The following RIF1 variants were observed in gnomAD, a reference collection of about 807,000 sequenced individuals.
RIF1 encodes the protein telomere-associated protein RIF1.
A neutral mutation model predicts 247.1 loss-of-function variants in RIF1; 45 were observed. The ratio of observed to expected loss-of-function variants is 0.18; its 90% CI spans 0.14 to 0.23. The LOEUF is 0.23. RIF1 is among the 10% of genes least tolerant of loss of function. The pLI, the probability that RIF1 is intolerant of heterozygous loss-of-function variation, is 1.00. For synonymous variants in RIF1, 1,087 were observed against 978.8 expected, an observed-to-expected ratio of 1.11 and a Z score of -2.06; for missense variants, 2,967 against 2,862.5, an observed-to-expected ratio of 1.04 and a Z score of -0.83.
the RIF1 span, among the ~76,000 whole-genome samples, chr2:151,518,165 AC>A: frequency 1.3e-5 from 2 of 152,242 alleles, no homozygotes; most frequent in Non-Finnish European, 2.9e-5. Flanking sequence ...GTAATTTATA[AC>A]ATAAGAATTT....
intron 9 of RIF1, chr2:151,489,854 C>A: frequency 4.8e-6 from 3 of 619,302 alleles, no homozygotes; most frequent in South Asian, 5.5e-5. Context: ...AATAAAAGAG[C>A]ATTATATAAA....
rs765170502 is a variant in RIF1 at position 151,458,822 on chromosome 2, C to T, written c.2867C>T (p.Thr956Ile). The T allele has an allele frequency of 6.8e-6, 11 of 1,610,336 alleles. No individual in the cohort carries two copies. The South Asian group carries it at 1.2e-4, about 18-fold the overall frequency. The change falls in exon 25 of 36, where the codon ACA (threonine) becomes ATA (isoleucine). Residue 956 changes from threonine to isoleucine, a missense_variant. Thr to Ile is a moderately conservative substitution (Grantham distance 89). This residue lies in a region of RIF1 where 2,028 missense variants were observed against 1,825.6 expected (regional missense o/e 1.11). Transcript: ENST00000444746. ...VYPEELKPVL[T>I]QAKQKFLLLL... ...GTACTTTTTTAAAGACCAGTACTAACACAAGCCAAACAAAAATTTCTGCTC... is the reference window on the plus strand; with the variant it reads ...GTACTTTTTTAAAGACCAGTACTAATACAAGCCAAACAAAAATTTCTGCTC...
downstream of RIF1, chr2:151,486,146 G>T (rs534886159): frequency 1.9e-6 from 1 of 521,886 alleles, no homozygotes; most frequent in Non-Finnish European, 3.4e-6. Context: ...AACATATGAC[G>T]AACTCCTACA....
At chr2:151,433,357 A>AC (rs1478481730) in intron 10 of RIF1, 129 bp downstream of exon 10, 6 of 553,906 alleles carry the variant, frequency 1.1e-5, no homozygotes, top group African/African-American at 1.9e-5. Flanking sequence ...AAGGTCTTTC[A>AC]CTTTACTGGC....
chr2:151,484,692 G>A (rs1301568365), downstream of RIF1, among the ~76,000 whole-genome samples: 1 of 152,212 alleles, frequency 6.6e-6, no homozygotes, highest in Non-Finnish European at 1.5e-5. Flanking sequence ...TTGCCTACTT[G>A]CATTTTTATC....
intron 2 of RIF1, among the ~76,000 whole-genome samples, chr2:151,410,926 T>A (rs1310663365): frequency 6.6e-6 from 1 of 152,158 alleles, no homozygotes; most frequent in Non-Finnish European, 1.5e-5. Context: ...AAAGTAATTT[T>A]CATAGAAATG....
chr2:151,420,579 T>C (rs1687992819), intron 7 of RIF1, among the ~76,000 whole-genome samples, 200 bp downstream of exon 7: 1 of 151,760 alleles, frequency 6.6e-6, no homozygotes, highest in African/African-American at 2.4e-5. Context: ...CTACAAAATA[T>C]CTTAAAAATT....
At chr2:151,483,436 A>G (rs2049250590), downstream of RIF1, 1 of 152,202 alleles carries the variant, frequency 6.6e-6, no homozygotes. Context: ...GGAAGTTACA[A>G]GGTAATGAGA....
In RIF1 at chr2:151,474,975, A is replaced by G. The variant is rs752944050; in HGVS notation, c.7323A>G (p.Leu2441=). 4.3e-6 allele frequency: 7 copies of G among 1,613,490 alleles called. No individual in the cohort carries two copies. The East Asian group carries it at 1.1e-4, about 26-fold the overall frequency. The change falls in exon 36 of 36, where the codon CTA becomes CTG. Residue 2441 remains leucine (L), a synonymous_variant. Transcript: ENST00000444746. The part of the protein sequence containing the change: ...EDLHNYSGSQ[L]FEMHEKLSCM... ...TTCATAATTATTCAGGAAGCCAACT[A>G]TTTGAAATGCACGAGAAACTAAGTT... is the stretch of plus-strand genomic sequence containing the variant.
exon 11 of RIF1, chr2:151,499,490 C>T (rs2153025758): frequency 1.5e-6 from 1 of 668,508 alleles, no homozygotes; most frequent in Non-Finnish European, 2.7e-6. Context: ...AGACGTCAGA[C>T]AGAAAAGACA....
chr2:151,469,871 A>G lies in RIF1; in HGVS notation c.7095+7A>G. ...AATATATCATGAGCAGCAGGTAAAA[A>G]CTTAGATATTAGCTATGATGTATAT... On this transcript the variant is annotated splice_region_variant and intron_variant, in intron 34 of 35. Coordinates refer to ENST00000444746, the MANE Select transcript of RIF1 (RefSeq NM_018151.5). 1 of 1,586,206 alleles carries G rather than the reference A, an allele frequency of 6.3e-7. No homozygotes were observed. Among genetic ancestry groups the G allele is most frequent in the East Asian group, 2.2e-5 (1 of 44,550 alleles).
the RIF1 span, chr2:151,518,988 T>C: frequency 6.2e-7 from 1 of 1,613,344 alleles, no homozygotes; most frequent in Non-Finnish European, 8.5e-7. Flanking sequence ...TGGCTTGTAT[T>C]CAGGACATGA....
intron 9 of RIF1, among the ~76,000 whole-genome samples, chr2:151,432,225 G>T (rs1690290304): frequency 6.6e-6 from 1 of 152,110 alleles, no homozygotes; most frequent in Non-Finnish European, 1.5e-5. Flanking sequence ...GGTCAGGCTG[G>T]TTTCAAACTC....
intron 11 of RIF1, among the ~76,000 whole-genome samples, 170 bp downstream of exon 11, chr2:151,435,750 A>G (rs780820888): frequency 2.7e-5 from 4 of 149,726 alleles, no homozygotes; most frequent in Non-Finnish European, 4.4e-5. Flanking sequence ...ATCCATTATC[A>G]TGTTTTTCTG....
At chr2:151,515,496 T>A in the RIF1 span, among the ~76,000 whole-genome samples, 5 of 152,136 alleles carry the variant, frequency 3.3e-5, no homozygotes, top group African/African-American at 1.2e-4. Flanking sequence ...TACAGGTGTA[T>A]GCCACCACAC....
intron 4 of RIF1, among the ~76,000 whole-genome samples, chr2:151,415,345 CAAA>C (rs34015306): frequency 1.5e-5 from 2 of 136,576 alleles, no homozygotes; most frequent in Non-Finnish European, 1.6e-5. Flanking sequence ...GACCCCATCT[CAAA>C]AAAAAAAAAG....
intron 3 of RIF1, among the ~76,000 whole-genome samples, chr2:151,413,949 A>T (rs1034353419): frequency 6.6e-6 from 1 of 152,196 alleles, no homozygotes; most frequent in Non-Finnish European, 1.5e-5. Context: ...AAACTTTCAT[A>T]TTGAGATACT....
intron 8 of RIF1, among the ~76,000 whole-genome samples, chr2:151,426,165 T>A (rs983180257): frequency 2.3e-5 from 3 of 129,374 alleles, no homozygotes; most frequent in Admixed American, 9.3e-5. Context: ...GTTTTGGCTT[T>A]TAATTTTTTT....
Position 151,497,724 on chromosome 2 carries a change from C to T in RIF1, c.*514-1621C>T, listed in dbSNP as rs780278162. The T allele has an allele frequency of 7.7e-6, 12 of 1,568,014 alleles. 1 individual carries two copies. Among genetic ancestry groups the T allele is most frequent in the South Asian group, 7.1e-5 (6 of 84,948 alleles). On this transcript the variant is annotated intron_variant and NMD_transcript_variant, in intron 10 of 13. Coordinates refer to the RIF1 transcript ENST00000454583. The stretch of plus-strand genomic sequence containing the variant: ...ATGTTTTCTTTGTATAACACCTGTG[C>T]GATAAGAAAGCATCCAGAAAAACAA...
Sources: gnomAD v4.1 joint callset for allele counts (sites outside exome capture counted in the v4.1 genomes callset) on GRCh38, gnomAD v4.1.1 for gene constraint, gnomAD v4.1.1 regional missense constraint, MANE v1.5 for transcripts, NCBI Gene and HGNC (gene_info 2026-07-23, HGNC 2026-07-21) for gene names.